Variants in SIN3A observed in about 807,000 individuals in gnomAD.
The protein encoded by SIN3A is SIN3 transcription regulator family member A.
Under a neutral mutation model 146.1 loss-of-function variants are expected in SIN3A, and 14 were observed. The observed-to-expected ratio is 0.10, with a 90% confidence interval of 0.06 to 0.15. SIN3A has a LOEUF of 0.15. SIN3A is among the 10% of genes least tolerant of loss of function. SIN3A has a pLI of 1.00. For synonymous variants in SIN3A, 572 were observed against 572.0 expected (o/e 1.00, Z 0.00); for missense variants, 1,028 against 1,576.0 (o/e 0.65, Z 5.89).
At chr15:75,374,661 G>C (rs1254372410) in intron 20 of SIN3A, among the ~76,000 whole-genome samples, 1 of 152,308 alleles carries the variant, frequency 6.6e-6, no homozygotes, top group South Asian at 2.1e-4. Context: ...GCAACCTTGA[G>C]CCACAATGGT....
In SIN3A at chr15:75,392,642, A is replaced by G. The variant is rs369252806; in HGVS notation, c.2451T>C (p.His817=). Residue 817 remains histidine, a synonymous_variant, in exon 15 of 21, where the codon CAT becomes CAC. Coordinates refer to ENST00000394947, the MANE Select transcript of SIN3A (RefSeq NM_001145358.2). ...CAAAGAGCAAATCTGGAATAAAATGATGCATGATTTGTTTTATCTTATATT... is the reference window on the plus strand; with the variant it reads ...CAAAGAGCAAATCTGGAATAAAATGGTGCATGATTTGTTTTATCTTATATT... ...EDKYKIKQIM[H]HFIPDLLFAQ... 5 of 1,614,040 alleles carry G rather than the reference A, an allele frequency of 3.1e-6. No individual in the cohort carries two copies. In the African/African-American group the frequency reaches 4.0e-5, roughly 13 times the overall value.
At chr15:75,442,932 C>CAAA (rs34555614) in intron 1 of SIN3A, among the ~76,000 whole-genome samples, 105 of 84,378 alleles carry the variant, frequency 1.2e-3, no homozygotes, top group African/African-American at 3.2e-3. Context: ...AACTCTGTCT[C>CAAA]AAAAAAAAAA....
intron 20 of SIN3A, 68 bp from the exon 21 acceptor site, chr15:75,372,277 G>C (rs2072766682): frequency 9.4e-7 from 1 of 1,067,406 alleles, no homozygotes; most frequent in Admixed American, 2.6e-5. Flanking sequence ...CAAATACAAA[G>C]CCTAATTTTC....
At chr15:75,387,563 A>C (rs200079454) in intron 16 of SIN3A, among the ~76,000 whole-genome samples, 1 of 32,236 alleles carries the variant, frequency 3.1e-5, no homozygotes, top group South Asian at 7.2e-4. Context: ...GTTTCCATTA[A>C]AAAAAAAAAA....
intron 1 of SIN3A, among the ~76,000 whole-genome samples, chr15:75,437,356 A>G (rs2074125605): frequency 6.6e-6 from 1 of 152,064 alleles, no homozygotes; most frequent in African/African-American, 2.4e-5. Context: ...TTGTAGAGAC[A>G]GGGTCTCGAT....
chr15:75,439,732 TAGA>T (rs2074169560), intron 1 of SIN3A, among the ~76,000 whole-genome samples: 1 of 152,164 alleles, frequency 6.6e-6, no homozygotes, highest in Non-Finnish European at 1.5e-5. Context: ...TAAAGTTTTT[TAGA>T]ACTCTTATCT....
intron 1 of SIN3A, among the ~76,000 whole-genome samples, chr15:75,446,590 C>G (rs1183115536): frequency 6.6e-6 from 1 of 151,768 alleles, no homozygotes; most frequent in Non-Finnish European, 1.5e-5. Flanking sequence ...CTCCTGAGCT[C>G]AAGCAATCCT....
At chr15:75,375,919 T>G (rs767065732) in intron 19 of SIN3A, 47 bp from the exon 20 acceptor site, 1 of 1,575,030 alleles carries the variant, frequency 6.3e-7, no homozygotes, top group Non-Finnish European at 8.7e-7. Context: ...CAGATGCAGA[T>G]TCCCGTGACT....
At chr15:75,439,485 C>T (rs893222235) in intron 1 of SIN3A, among the ~76,000 whole-genome samples, 1 of 151,946 alleles carries the variant, frequency 6.6e-6, no homozygotes, top group African/African-American at 2.4e-5. Context: ...GGACTACAGG[C>T]GCCTGCCACC....
Position 75,369,784 on chromosome 15 carries a change from G to C in SIN3A, c.*2195C>G, listed in dbSNP as rs1437889506. 2 of 152,200 alleles carry C rather than the reference G, an allele frequency of 1.3e-5. No homozygotes were observed. Among genetic ancestry groups the C allele is most frequent in the Non-Finnish European group, 2.9e-5 (2 of 68,040 alleles). 9.4% of individuals were successfully genotyped at this position (152,200 alleles called of 1,614,324 possible). A position where few individuals can be genotyped will look rare whatever the true frequency, so the allele number is the denominator to read the frequency against. On this transcript the variant is annotated 3_prime_UTR_variant, in exon 21 of 21. Transcript: ENST00000394947. ...CAGGTCAACATGACCTTTCTTGAGG[G>C]AACACGGGGATAGGTGAATTATTTG...
chr15:75,379,154 T>G (rs1567313269), intron 19 of SIN3A, among the ~76,000 whole-genome samples: 1 of 152,168 alleles, frequency 6.6e-6, no homozygotes, highest in Non-Finnish European at 1.5e-5. Context: ...AGCCTCGGCC[T>G]CCCAAAGTGC....
At chr15:75,445,040 C>T (rs2074280144) in intron 1 of SIN3A, among the ~76,000 whole-genome samples, 1 of 151,180 alleles carries the variant, frequency 6.6e-6, no homozygotes, top group Non-Finnish European at 1.5e-5. Flanking sequence ...GCCTGAGCAA[C>T]ATGGTAAGAC....
At chr15:75,431,030 C>T (rs2074005783) in intron 1 of SIN3A, among the ~76,000 whole-genome samples, 1 of 152,224 alleles carries the variant, frequency 6.6e-6, no homozygotes, top group African/African-American at 2.4e-5. Flanking sequence ...TCCGCCTCAG[C>T]CTCCCAAAGT....
upstream of SIN3A, among the ~76,000 whole-genome samples, chr15:75,451,945 G>A (rs1471872678): frequency 1.3e-5 from 2 of 151,864 alleles, no homozygotes; most frequent in African/African-American, 4.8e-5. Context: ...CCACCCCCGA[G>A]CCCCAACACT....
At chr15:75,383,651 C>A (rs1425738053) in intron 17 of SIN3A, among the ~76,000 whole-genome samples, 1 of 152,092 alleles carries the variant, frequency 6.6e-6, no homozygotes, top group African/African-American at 2.4e-5. Flanking sequence ...GACTCAGCCT[C>A]CAGAGTAGCT....
At chr15:75,387,142 A>G (rs1284439797) in intron 16 of SIN3A, among the ~76,000 whole-genome samples, 2 of 152,198 alleles carry the variant, frequency 1.3e-5, no homozygotes, top group African/African-American at 4.8e-5. Flanking sequence ...TTCAGTCAGC[A>G]GTGGAATCTG....
chr15:75,422,626 AG>A lies in SIN3A; in HGVS notation c.366+20del, dbSNP rs1420200090. The A allele has an allele frequency of 6.2e-7, 1 of 1,614,140 alleles. No individual in the cohort carries two copies. The highest frequency in any genetic ancestry group is 1.3e-5 in the African/African-American group (1 of 75,064). ...TGCTAAAGATAAATTTTTTGACCCA[AG>A]AAAAAGAGCTGAATACCACCTTCAG... On this transcript the variant is annotated intron_variant, in intron 3 of 20. Transcript: ENST00000394947.
chr15:75,400,407 C>G (rs181357256), intron 11 of SIN3A, among the ~76,000 whole-genome samples: 31 of 152,138 alleles, frequency 2.0e-4, no homozygotes, highest in African/African-American at 7.5e-4. Flanking sequence ...GTGACCCAAT[C>G]TTTACAAAAC....
intron 9 of SIN3A, among the ~76,000 whole-genome samples, chr15:75,406,418 TG>T (rs1267730399): frequency 6.6e-6 from 1 of 152,198 alleles, no homozygotes. Context: ...CCAGGCGCGG[TG>T]GCTCACGCCT....
Sources: gnomAD v4.1 joint callset for allele counts (sites outside exome capture counted in the v4.1 genomes callset) on GRCh38, gnomAD v4.1.1 for gene constraint, MANE v1.5 for transcripts, NCBI Gene and HGNC (gene_info 2026-07-23, HGNC 2026-07-21) for gene names.